The following ZNF385C variants were observed in gnomAD, a reference collection of about 807,000 sequenced individuals.
The protein encoded by ZNF385C is CTD-2132N18.2.
ZNF385C carries 28 observed loss-of-function variants against 35.4 expected under a neutral mutation model. The observed-to-expected ratio is 0.79, with a 90% CI of 0.59 to 1.08. The LOEUF (loss-of-function observed/expected upper bound fraction) is 1.08. Among genes scored for constraint, ZNF385C ranks in the 50% least tolerant of loss-of-function variants. The pLI, the probability that ZNF385C is intolerant of heterozygous loss-of-function variation, is 0.00. For missense variants in ZNF385C, 605 were observed against 595.6 expected (o/e 1.02, Z -0.16); for synonymous variants, 248 against 248.2 (o/e 1.00, Z 0.01).
Position 42,027,545 on chromosome 17 carries a change from C to T in ZNF385C, c.1275+73G>A, listed in dbSNP as rs1052405111. ...CTCTTTTCCTGCCCCACCGCAGCCC[C>T]CCCATCTGGCCCTCCCAGCCCACCC... On this transcript the variant is annotated intron_variant, in intron 8 of 8. Coordinates refer to ENST00000692273, the MANE Select transcript of ZNF385C (RefSeq NM_001392013.1). 4 of 852,590 alleles carry T rather than the reference C, an allele frequency of 4.7e-6. No individual in the cohort carries two copies. The South Asian group carries it at 5.3e-5, about 11-fold the overall frequency. 52.8% of individuals were successfully genotyped at this position (852,590 alleles called of 1,614,324 possible). A position where few individuals can be genotyped will look rare whatever the true frequency, so the allele number is the denominator to read the frequency against.
intron 2 of ZNF385C, among the ~76,000 whole-genome samples, chr17:42,055,779 G>A (rs1316882681): frequency 6.6e-6 from 1 of 152,108 alleles, no homozygotes; most frequent in Non-Finnish European, 1.5e-5. Context: ...TGAGCTCAAG[G>A]TCTTTGATCT....
intron 3 of ZNF385C, among the ~76,000 whole-genome samples, 159 bp from the exon 4 acceptor site, chr17:42,034,494 G>T (rs2052797423): frequency 1.3e-5 from 2 of 151,908 alleles, no homozygotes; most frequent in Non-Finnish European, 2.9e-5. Context: ...AAGAGAAACA[G>T]CTGGGCCAGG....
intron 1 of ZNF385C, among the ~76,000 whole-genome samples, chr17:42,071,777 C>G (rs1334847863): frequency 1.4e-5 from 1 of 73,098 alleles, no homozygotes; most frequent in African/African-American, 8.4e-5. Flanking sequence ...TTATCTCCTG[C>G]CTGCTCTCCT....
chr17:42,032,405 C>T (rs1555655077), intron 4 of ZNF385C, among the ~76,000 whole-genome samples: 2 of 152,118 alleles, frequency 1.3e-5, no homozygotes, highest in African/African-American at 4.8e-5. Context: ...GCCTGAGTCT[C>T]CTCACCCATA....
intron 5 of ZNF385C, among the ~76,000 whole-genome samples, chr17:42,029,740 C>A (rs1447066939): frequency 6.6e-6 from 1 of 150,724 alleles, no homozygotes; most frequent in South Asian, 2.1e-4. Context: ...ACAAAAAAAA[C>A]ACAGTGGTAT....
chr17:42,055,163 A>G (rs1360811289), intron 2 of ZNF385C, among the ~76,000 whole-genome samples: 2 of 152,180 alleles, frequency 1.3e-5, no homozygotes, highest in African/African-American at 4.8e-5. Flanking sequence ...TGGAGCAGCC[A>G]ACATTCACAA....
At chr17:42,064,073 TACACACACACAC>T (rs55771386) in intron 1 of ZNF385C, among the ~76,000 whole-genome samples, 15,712 of 129,812 alleles carry the variant, frequency 0.12, 1,051 homozygotes, top group Middle Eastern at 0.28. Flanking sequence ...CACACGCACA[TACACACACACAC>T]ACACACACAC....
intron 2 of ZNF385C, chr17:42,062,444 C>G (rs559073266): frequency 4.8e-5 from 9 of 188,836 alleles, no homozygotes; most frequent in African/African-American, 2.1e-4. Context: ...GCCTGGGACC[C>G]CCACCCCGCA....
intron 3 of ZNF385C, among the ~76,000 whole-genome samples, chr17:42,034,677 G>A (rs546620641): frequency 1.3e-5 from 2 of 151,172 alleles, no homozygotes; most frequent in South Asian, 2.1e-4. Context: ...TCAGCTACTC[G>A]GGAGGCTGAG....
chr17:42,090,350 G>A lies in ZNF385C; in HGVS notation c.-3+8060C>T, dbSNP rs375456909. Among the ~76,000 whole-genome samples, 38 of 134,712 alleles carry A rather than the reference G, an allele frequency of 2.8e-4. No homozygotes were observed. In the East Asian group the frequency reaches 5.0e-3, roughly 18 times the overall value. The allele number at this position is 134,712 out of a possible 152,430, so 88.4% of individuals were successfully genotyped here. A position where few individuals can be genotyped will look rare whatever the true frequency, so the allele number is the denominator to read the frequency against. Reference sequence around the variant, plus strand: ...CGCCCAGGCTGGAGTGCAATTGCGCGATCTCGGCTCACTGCAACCTCCACC... The same window carrying A: ...CGCCCAGGCTGGAGTGCAATTGCGCAATCTCGGCTCACTGCAACCTCCACC... On this transcript the variant is annotated intron_variant, in intron 1 of 8. Transcript: ENST00000692273.
chr17:42,097,680 C>T (rs554067943), intron 1 of ZNF385C, among the ~76,000 whole-genome samples: 1 of 152,278 alleles, frequency 6.6e-6, no homozygotes, highest in African/African-American at 2.4e-5. Context: ...TCCAGGAAGG[C>T]TTCCTCGAGG....
chr17:42,040,907 C>T, intron 2 of ZNF385C: 1 of 1,232,208 alleles, frequency 8.1e-7, no homozygotes, highest in South Asian at 4.1e-5. Context: ...CCCAGGCGCT[C>T]ACTGGGGAGG....
Position 42,028,059 on chromosome 17 carries a change from T to C in ZNF385C, c.1155A>G (p.Gln385=). 5.0e-6 allele frequency: 8 copies of C among 1,608,946 alleles called. No homozygotes were observed. The highest frequency in any genetic ancestry group is 6.8e-6 in the Non-Finnish European group (8 of 1,177,298). ...GCCTCACTTCTCCCACCTGCTTCAG[T>C]TGGGTCTCTGAATTGACCTGGAGCT... ...LCQLQVNSET[Q]LKQHMSSRRH... Residue 385 remains glutamine, a synonymous_variant, in exon 7 of 9, where the codon CAA becomes CAG. Coordinates refer to ENST00000692273, the MANE Select transcript of ZNF385C (RefSeq NM_001392013.1).
intron 4 of ZNF385C, among the ~76,000 whole-genome samples, chr17:42,032,586 C>A (rs1252130188): frequency 6.6e-6 from 1 of 152,212 alleles, no homozygotes; most frequent in Admixed American, 6.5e-5. Flanking sequence ...GTATGTACCC[C>A]AGAACATTCA....
intron 2 of ZNF385C, chr17:42,040,727 G>A (rs898299763): frequency 3.0e-5 from 37 of 1,232,368 alleles, no homozygotes; most frequent in Non-Finnish European, 3.5e-5. Flanking sequence ...AGTGCTGCCC[G>A]GAGCTCAGGG....
At chr17:42,057,497 T>TGG (rs2053395355) in intron 2 of ZNF385C, among the ~76,000 whole-genome samples, 1 of 46,802 alleles carries the variant, frequency 2.1e-5, no homozygotes, top group African/African-American at 4.1e-5. Flanking sequence ...TTTAGGGGTG[T>TGG]GCGCGCGCGC....
intron 2 of ZNF385C, among the ~76,000 whole-genome samples, chr17:42,048,954 A>C (rs1462511312): frequency 7.3e-6 from 1 of 136,928 alleles, no homozygotes; most frequent in Non-Finnish European, 1.6e-5. Context: ...AAAAAAAAAA[A>C]ACAAAAATAC....
chr17:42,062,864 G>A lies in ZNF385C; in HGVS notation c.193C>T (p.Arg65Trp), dbSNP rs1228352932. 19 of 649,104 alleles carry A rather than the reference G, an allele frequency of 2.9e-5. No homozygotes were observed. Among genetic ancestry groups the A allele is most frequent in the Middle Eastern group, 2.4e-4 (1 of 4,142 alleles). 40.2% of individuals were successfully genotyped at this position (649,104 alleles called of 1,614,324 possible). A position where few individuals can be genotyped will look rare whatever the true frequency, so the allele number is the denominator to read the frequency against. ...AAQAQVHCGGRAHQRRLRQLS... is the reference protein window; with the variant it reads ...AAQAQVHCGGWAHQRRLRQLS... ...TGCCGAAGCCGCCTCTGGTGGGCCC[G>A]CCCCCCACAGTGCACCTGGGCCTGG... Residue 65 changes from arginine (R) to tryptophan (W), a missense_variant, in exon 2 of 9, where the codon CGG (arginine) becomes TGG (tryptophan). Arg to Trp is a moderately radical substitution (Grantham distance 101). Transcript: ENST00000692273.
At chr17:42,027,998 C>CCCCCACCCCCCCCCCCGGCG in intron 7 of ZNF385C, 52 bp downstream of exon 7, 2 of 1,585,228 alleles carry the variant, frequency 1.3e-6, no homozygotes, top group Non-Finnish European at 1.7e-6. Context: ...CTGCCCTGCC[C>CCCCCACCCCCCCCCCCGGCG]CCCAACCCCC....
Sources: allele counts gnomAD v4.1 joint callset (sites outside exome capture counted in the v4.1 genomes callset), GRCh38; gene constraint gnomAD v4.1.1; transcripts MANE v1.5; gene names NCBI Gene and HGNC (gene_info 2026-07-23, HGNC 2026-07-21).